The following SLIT1 variants were observed in gnomAD, a reference collection of about 807,000 sequenced individuals.
SLIT1 encodes slit guidance ligand 1, also known as slit homolog 1 protein.
SLIT1 carries 66 observed loss-of-function variants against 186.1 expected under a neutral mutation model. The ratio of observed to expected loss-of-function variants is 0.35; its 90% CI spans 0.29 to 0.44. The LOEUF is 0.44. SLIT1 is among the 20% of genes least tolerant of loss of function. The pLI is 1.00. For synonymous variants in SLIT1, 761 were observed against 833.8 expected (o/e 0.91, Z 1.50); for missense variants, 1,638 against 2,037.4 (o/e 0.80, Z 3.77).
Position 97,057,260 on chromosome 10 carries a change from G to T in SLIT1, c.1107C>A (p.Ile369=), listed in dbSNP as rs564737116. Residue 369 remains isoleucine (I), a synonymous_variant, in exon 12 of 37, where the codon ATC becomes ATA. Coordinates refer to ENST00000266058, the MANE Select transcript of SLIT1 (RefSeq NM_003061.3). Reference sequence around the variant, plus strand: ...CAAACACACCACGGGGGAGGTCTGTGATCTTGTTTCCATAGAGGACCCTGG... The same window carrying T: ...CAAACACACCACGGGGGAGGTCTGTTATCTTGTTTCCATAGAGGACCCTGG... ...LNSLVLYGNK[I]TDLPRGVFGG... is the part of the protein sequence containing the mutation. 21 of 1,613,916 alleles carry T rather than the reference G, an allele frequency of 1.3e-5. No homozygotes were observed. The African/African-American group carries it at 2.7e-4, about 20-fold the overall frequency.
Position 97,001,048 on chromosome 10 carries a change from T to A in SLIT1, c.*64A>T, listed in dbSNP as rs1045666337. 1.6e-5 allele frequency: 21 copies of A among 1,350,108 alleles called. No homozygotes were observed. In the East Asian group the frequency reaches 4.7e-4, roughly 30 times the overall value. The allele number at this position is 1,350,108 out of a possible 1,614,324, so 83.6% of individuals were successfully genotyped here. ...GCACCCCAGCCCAGCTGCTGGCGAC[T>A]GTCTCCGCTGCTGCAGCGGCTGGGG... On this transcript the variant is annotated 3_prime_UTR_variant, in exon 37 of 37. Coordinates refer to ENST00000266058, the MANE Select transcript of SLIT1 (RefSeq NM_003061.3).
intron 4 of SLIT1, among the ~76,000 whole-genome samples, chr10:97,099,723 G>T (rs1849331351): frequency 6.6e-6 from 1 of 152,170 alleles, no homozygotes. Flanking sequence ...GCAGGGAAAG[G>T]CAGTCCCAGA....
chr10:97,129,698 C>G (rs2636773), intron 4 of SLIT1, among the ~76,000 whole-genome samples: 92,678 of 151,976 alleles, frequency 0.61, 28,913 homozygotes, highest in Non-Finnish European at 0.68. Context: ...CGGGCATCCT[C>G]GACTAGTACT....
chr10:97,004,652 C>T lies in SLIT1; in HGVS notation c.3710+41G>A, dbSNP rs765016064. On this transcript the variant is annotated intron_variant, in intron 33 of 36. Coordinates refer to ENST00000266058, the MANE Select transcript of SLIT1 (RefSeq NM_003061.3). The surrounding 1 kb of genome is among the most constrained non-coding windows in gnomAD (Gnocchi z 5.1). ...CCAGGAGACCTCGCCCTGGCAGTCCCGTACCCCTGAGGGCAGCTGGGGGGC... is the reference window on the plus strand; with the variant it reads ...CCAGGAGACCTCGCCCTGGCAGTCCTGTACCCCTGAGGGCAGCTGGGGGGC... 1.1e-5 allele frequency: 18 copies of T among 1,612,768 alleles called. No individual in the cohort carries two copies. Among genetic ancestry groups the T allele is most frequent in the African/African-American group, 2.7e-5 (2 of 74,892 alleles).
At chr10:97,076,182 C>T (rs551845506) in intron 4 of SLIT1, among the ~76,000 whole-genome samples, 13 of 152,208 alleles carry the variant, frequency 8.5e-5, no homozygotes, top group Non-Finnish European at 1.8e-4. Flanking sequence ...AGGTGTGGGG[C>T]TCCCTGGTGA....
intron 4 of SLIT1, chr10:97,154,132 C>T (rs992618586): frequency 1.3e-5 from 2 of 152,246 alleles, no homozygotes; most frequent in Non-Finnish European, 2.9e-5. Context: ...CGGATGCGTA[C>T]ACAGTAATAT....
chr10:97,053,012 T>C (rs1039159191), intron 13 of SLIT1, among the ~76,000 whole-genome samples: 1 of 152,248 alleles, frequency 6.6e-6, no homozygotes, highest in East Asian at 1.9e-4. Flanking sequence ...TTCTTGGTGA[T>C]GGCGAAGAGA....
At chr10:97,172,455 C>G (rs1006798962) in intron 1 of SLIT1, among the ~76,000 whole-genome samples, 5 of 152,206 alleles carry the variant, frequency 3.3e-5, no homozygotes, top group Admixed American at 1.3e-4. Flanking sequence ...ATTGTACCCC[C>G]AGGGTGCAAC....
At chr10:97,018,803 C>A in intron 27 of SLIT1, 120 bp from the exon 28 acceptor site, 1 of 681,134 alleles carries the variant, frequency 1.5e-6, no homozygotes, top group Non-Finnish European at 2.6e-6. Context: ...TGTTTTCATT[C>A]ATTCATTCGT....
chr10:97,147,914 C>T (rs1252835025), intron 4 of SLIT1, among the ~76,000 whole-genome samples: 4 of 152,198 alleles, frequency 2.6e-5, no homozygotes, highest in African/African-American at 9.7e-5. Flanking sequence ...CTTCACCCTC[C>T]TGTGTCTCCC....
intron 4 of SLIT1, among the ~76,000 whole-genome samples, chr10:97,120,810 A>C (rs1339932680): frequency 6.6e-6 from 1 of 152,158 alleles, no homozygotes; most frequent in South Asian, 2.1e-4. Context: ...AAAGGCCCCT[A>C]TCACCCACTG....
At chr10:97,139,105 C>T (rs1014512686) in intron 4 of SLIT1, among the ~76,000 whole-genome samples, 2 of 152,172 alleles carry the variant, frequency 1.3e-5, no homozygotes, top group African/African-American at 4.8e-5. Context: ...GGAAGCAGAG[C>T]CCAGGGTCCC....
At chr10:97,009,401 T>C (rs1848392255) in intron 31 of SLIT1, among the ~76,000 whole-genome samples, 1 of 152,252 alleles carries the variant, frequency 6.6e-6, no homozygotes, top group Non-Finnish European at 1.5e-5. Flanking sequence ...AATTATCTTT[T>C]TGACAAATAG....
At chr10:97,178,174 C>T (rs182628435) in intron 1 of SLIT1, among the ~76,000 whole-genome samples, 8 of 152,222 alleles carry the variant, frequency 5.3e-5, no homozygotes, top group East Asian at 1.9e-4. Flanking sequence ...ACAAATTACC[C>T]GTTAATACCA....
intron 1 of SLIT1, among the ~76,000 whole-genome samples, chr10:97,178,117 G>C (rs543069128): frequency 6.6e-6 from 1 of 152,198 alleles, no homozygotes; most frequent in Non-Finnish European, 1.5e-5. Flanking sequence ...GGGGATGAAA[G>C]CTTGATGAGA....
intron 1 of SLIT1, among the ~76,000 whole-genome samples, chr10:97,166,612 AAAG>A: frequency 5.9e-5 from 4 of 68,056 alleles, no homozygotes; most frequent in African/African-American, 2.2e-4. Context: ...AGAAAGAAAG[AAAG>A]AAAGAAAGAG....
At chr10:97,099,796 C>T (rs573439006) in intron 4 of SLIT1, among the ~76,000 whole-genome samples, 1 of 152,268 alleles carries the variant, frequency 6.6e-6, no homozygotes, top group Non-Finnish European at 1.5e-5. Context: ...GCAGTGCCCC[C>T]GCAGTGTCTG....
At chr10:97,067,733 A>G (rs1391015335) in intron 4 of SLIT1, among the ~76,000 whole-genome samples, 1 of 152,120 alleles carries the variant, frequency 6.6e-6, no homozygotes, top group Admixed American at 6.5e-5. Context: ...TGCCCCAGAC[A>G]CACCGGGGTC....
intron 4 of SLIT1, among the ~76,000 whole-genome samples, chr10:97,129,026 A>G (rs182800591): frequency 1.6e-4 from 24 of 152,312 alleles, no homozygotes; most frequent in African/African-American, 5.5e-4. Flanking sequence ...GAATCCATTC[A>G]GTCCCAGCTT....
Sources: allele counts gnomAD v4.1 joint callset (sites outside exome capture counted in the v4.1 genomes callset), GRCh38; gene constraint gnomAD v4.1.1; non-coding constraint Gnocchi (gnomAD v3.1); transcripts MANE v1.5; gene names NCBI Gene and HGNC (gene_info 2026-07-23, HGNC 2026-07-21).